The following MYO7B variants were observed in gnomAD, a reference collection of about 807,000 sequenced individuals.
The protein encoded by MYO7B is myosin VIIB.
In MYO7B, 212 loss-of-function variants were observed where a neutral mutation model predicts 259.7. The ratio of observed to expected loss-of-function variants is 0.82; its 90% CI spans 0.73 to 0.91. MYO7B has a LOEUF of 0.91. Among genes scored for constraint, MYO7B ranks in the 40% least tolerant of loss-of-function variants. The pLI is 0.00. For synonymous variants in MYO7B, 1,197 were observed against 1,166.4 expected (o/e 1.03, Z -0.54); for missense variants, 2,732 against 2,813.5 (o/e 0.97, Z 0.66).
At chr2:127,600,968 A>G (rs1017611004) in intron 19 of MYO7B, among the ~76,000 whole-genome samples, 1 of 152,168 alleles carries the variant, frequency 6.6e-6, no homozygotes, top group Admixed American at 6.5e-5. Context: ...CTGTCTTAGC[A>G]CTGCTTTAGC....
At chr2:127,626,834 C>T in intron 31 of MYO7B, 141 bp from the exon 32 acceptor site, 1 of 743,782 alleles carries the variant, frequency 1.3e-6, no homozygotes, top group Non-Finnish European at 2.2e-6. Flanking sequence ...TCCCAGGTGC[C>T]TCCCTACAGG....
intron 9 of MYO7B, among the ~76,000 whole-genome samples, chr2:127,580,340 C>T (rs538352712): frequency 6.6e-5 from 10 of 152,298 alleles, no homozygotes; most frequent in Non-Finnish European, 7.3e-5. Context: ...TGCTTTGCTT[C>T]CTGTGACTGA....
chr2:127,574,070 C>G lies in MYO7B; in HGVS notation c.735+8C>G, dbSNP rs76746601. On this transcript the variant is annotated splice_region_variant and intron_variant, in intron 7 of 47. Coordinates refer to ENST00000409816, the MANE Select transcript of MYO7B (RefSeq NM_001393586.1). Reference sequence around the variant, plus strand: ...TCCCGGGTCTGCCGGCAGGTGAGGCCTCCCCCTTCCCAGGTCGGGAGTTGA... The same window carrying G: ...TCCCGGGTCTGCCGGCAGGTGAGGCGTCCCCCTTCCCAGGTCGGGAGTTGA... 1.2e-6 allele frequency: 2 copies of G among 1,613,780 alleles called. No homozygotes were observed. The highest frequency in any genetic ancestry group is 2.2e-5 in the South Asian group (2 of 91,082).
At position 127,635,934 on chromosome 2, in the gene MYO7B, C is replaced by G. The variant is rs373589619; in HGVS notation, c.6006+27C>G. On this transcript the variant is annotated intron_variant, in intron 44 of 47. Transcript: ENST00000409816. ...TCCCTGGTCGGGCTGGGGAAGGGTT[C>G]TTGTGCTGCTGCTCCTCCCTGGGCC... 25 of 1,550,438 alleles carry G rather than the reference C, an allele frequency of 1.6e-5. No individual in the cohort carries two copies. The African/African-American group carries it at 3.0e-4, about 19-fold the overall frequency.
intron 9 of MYO7B, among the ~76,000 whole-genome samples, chr2:127,578,971 T>C (rs1423356617): frequency 6.6e-6 from 1 of 151,682 alleles, no homozygotes; most frequent in African/African-American, 2.4e-5. Context: ...TATAGATTTA[T>C]AAACAAACCA....
intron 43 of MYO7B, chr2:127,635,449 G>T: frequency 1.6e-6 from 1 of 626,330 alleles, no homozygotes; most frequent in Non-Finnish European, 2.8e-6. Context: ...GACTTGGAGA[G>T]GGTGGGACAG....
At chr2:127,591,560 C>T (rs1156457493) in intron 16 of MYO7B, among the ~76,000 whole-genome samples, 1 of 152,232 alleles carries the variant, frequency 6.6e-6, no homozygotes, top group Non-Finnish European at 1.5e-5. Flanking sequence ...CAGTGAGAAA[C>T]ACCAGGCCCA....
At chr2:127,616,358 T>C in intron 26 of MYO7B, among the ~76,000 whole-genome samples, 1 of 152,220 alleles carries the variant, frequency 6.6e-6, no homozygotes, top group East Asian at 1.9e-4. Context: ...ATCTGTCTCC[T>C]AGTTGTACTT....
chr2:127,570,010 A>G (rs1263845786), intron 6 of MYO7B, 100 bp downstream of exon 6: 2 of 1,375,738 alleles, frequency 1.5e-6, no homozygotes, highest in Non-Finnish European at 1.9e-6. Context: ...ACAAACCTTC[A>G]GCAACTCCTC....
rs1680376059 is a variant in MYO7B, at chr2:127,611,282, C to A, written c.3193-968C>A. On this transcript the variant is annotated intron_variant, in intron 24 of 47. Transcript: ENST00000409816. The surrounding 1 kb of genome is among the most constrained non-coding windows in gnomAD (Gnocchi z 5.4). ...AGTCTTGGAAGTCACATACCTGTGG[C>A]TGTGGGAGGGGCCCACACAGGGCAG... Among the ~76,000 whole-genome samples the A allele has an allele frequency of 6.6e-6, 1 of 152,202 alleles. No individual in the cohort carries two copies. Among genetic ancestry groups the A allele is most frequent in the Non-Finnish European group, 1.5e-5 (1 of 68,042 alleles).
intron 18 of MYO7B, among the ~76,000 whole-genome samples, chr2:127,595,661 A>G (rs146279122): frequency 0.01 from 1,546 of 152,274 alleles, 29 homozygotes; most frequent in African/African-American, 0.035. Context: ...AGCTTCTGGT[A>G]TGTTGTCTCT....
At chr2:127,591,647 T>C (rs1387194798) in intron 16 of MYO7B, among the ~76,000 whole-genome samples, 2 of 152,202 alleles carry the variant, frequency 1.3e-5, no homozygotes, top group Non-Finnish European at 2.9e-5. Flanking sequence ...CACCAGCAGT[T>C]GGCGCTGTGA....
rs1480603856 is a variant in MYO7B, at chr2:127,592,965, C to T, written c.2145+19C>T. 6 of 1,571,636 alleles carry T rather than the reference C, an allele frequency of 3.8e-6. No individual in the cohort carries two copies. Among genetic ancestry groups the T allele is most frequent in the Non-Finnish European group, 5.2e-6 (6 of 1,159,818 alleles). ...GATGCAGGTCAGCGCCCCTCGGGGACGGTCACCTCTGGCCATCCGCGGCCT... is the reference window on the plus strand; with the variant it reads ...GATGCAGGTCAGCGCCCCTCGGGGATGGTCACCTCTGGCCATCCGCGGCCT... On this transcript the variant is annotated intron_variant, in intron 17 of 47. Transcript: ENST00000409816.
At position 127,614,860 on chromosome 2, in the gene MYO7B, ATG is replaced by A. The variant is rs1316344935; in HGVS notation, c.3398+2261_3398+2262del. ...CCACCTTTTAGTAAATCCTACAAGA[ATG>A]TGTCTCTTTAGAACGTCGGATATGA... On this transcript the variant is annotated intron_variant, in intron 26 of 47. Transcript: ENST00000409816. The surrounding 1 kb of genome is among the most constrained non-coding windows in gnomAD (Gnocchi z 4.6). Among the ~76,000 whole-genome samples, 3 of 152,180 alleles carry A rather than the reference ATG, an allele frequency of 2.0e-5. No individual in the cohort carries two copies. The highest frequency in any genetic ancestry group is 7.2e-5 in the African/African-American group (3 of 41,434).
chr2:127,556,731 C>T (rs1336937954), intron 1 of MYO7B, among the ~76,000 whole-genome samples: 1 of 152,214 alleles, frequency 6.6e-6, no homozygotes, highest in Non-Finnish European at 1.5e-5. Context: ...TCCCTTCTAG[C>T]TTATAGAGTT....
At position 127,581,744 on chromosome 2, in the gene MYO7B, C is replaced by T. The variant is rs1573650223; in HGVS notation, c.1081-147C>T. 6.6e-6 allele frequency: 7 copies of T among 1,054,198 alleles called. No individual in the cohort carries two copies. The East Asian group carries it at 1.6e-4, about 25-fold the overall frequency. The allele number at this position is 1,054,198 out of a possible 1,614,324, so 65.3% of individuals were successfully genotyped here. Reference sequence around the variant, plus strand: ...AATCCTTCCCTAACAGCTCCCAGGGCCCTGGCCCTGGCCTCGGGCAGCGCC... The same window carrying T: ...AATCCTTCCCTAACAGCTCCCAGGGTCCTGGCCCTGGCCTCGGGCAGCGCC... On this transcript the variant is annotated intron_variant, in intron 10 of 47. Transcript: ENST00000409816.
chr2:127,552,982 A>T (rs752911644), intron 1 of MYO7B, among the ~76,000 whole-genome samples: 10 of 150,102 alleles, frequency 6.7e-5, no homozygotes, highest in Non-Finnish European at 1.0e-4. Context: ...GCAAAGTCTC[A>T]GCATTTCTCA....
chr2:127,634,900 A>C, intron 42 of MYO7B: 1 of 636,882 alleles, frequency 1.6e-6, no homozygotes, highest in Non-Finnish European at 2.8e-6. Context: ...CCCAGGGCTG[A>C]GGGGCATGAC....
intron 38 of MYO7B, 99 bp from the exon 39 acceptor site, chr2:127,632,147 A>G: frequency 7.2e-7 from 1 of 1,397,508 alleles, no homozygotes; most frequent in South Asian, 1.4e-5. Context: ...GGCCCTCTAG[A>G]CCCCAGGCAG....
Sources: allele counts gnomAD v4.1 joint callset (sites outside exome capture counted in the v4.1 genomes callset), GRCh38; gene constraint gnomAD v4.1.1; non-coding constraint Gnocchi (gnomAD v3.1); transcripts MANE v1.5; gene names NCBI Gene and HGNC (gene_info 2026-07-23, HGNC 2026-07-21).